The following ZNF385D variants were observed in gnomAD, a reference collection of about 807,000 sequenced individuals.
ZNF385D encodes zinc finger protein 659.
ZNF385D carries 15 observed loss-of-function variants against 35.8 expected under a neutral mutation model. The observed-to-expected ratio is 0.42, with a 90% confidence interval of 0.28 to 0.64. The LOEUF is 0.64. Ranked by LOEUF, ZNF385D falls within the 30% of genes least tolerant of loss-of-function variation. The pLI is 0.23. For synonymous variants in ZNF385D, 212 were observed against 186.8 expected (o/e 1.13, Z -1.10); for missense variants, 474 against 494.6 (o/e 0.96, Z 0.39).
rs543908962 is a variant in ZNF385D, at chr3:21,500,981, C to T, written c.439+9880G>A. Among the ~76,000 whole-genome samples the T allele has an allele frequency of 1.6e-3, 241 of 152,260 alleles. 1 individual carries two copies. In the Middle Eastern group the frequency reaches 0.027, roughly 17 times the overall value. On this transcript the variant is annotated intron_variant, in intron 4 of 7. Transcript: ENST00000281523. ...CCCCACGTGTGCCTGGCAACACAGC[C>T]GCCCCCACATATCCCCACGTGTGTA...
intron 2 of ZNF385D, among the ~76,000 whole-genome samples, chr3:21,642,296 G>A (rs567072759): frequency 9.9e-5 from 15 of 152,000 alleles, no homozygotes; most frequent in African/African-American, 3.6e-4. Flanking sequence ...AGCAGAGAAA[G>A]CCCTTCTCTT....
chr3:22,365,805 A>G (rs556602864), intron 2 of ZNF385D, among the ~76,000 whole-genome samples: 2 of 152,248 alleles, frequency 1.3e-5, no homozygotes, highest in East Asian at 3.9e-4. Context: ...TGAACCCCAT[A>G]GCATCCTCTG....
At chr3:21,693,578 T>C (rs939801078) in intron 1 of ZNF385D, among the ~76,000 whole-genome samples, 34 of 152,168 alleles carry the variant, frequency 2.2e-4, no homozygotes, top group African/African-American at 8.2e-4. Flanking sequence ...TGGGTTTCCA[T>C]TTTTCTCATC....
chr3:21,766,710 G>A (rs546463368), intron 3 of ZNF385D, among the ~76,000 whole-genome samples: 1 of 152,178 alleles, frequency 6.6e-6, no homozygotes, highest in African/African-American at 2.4e-5. Flanking sequence ...TAGAATAGCT[G>A]AAAGTGAAAA....
chr3:21,583,017 C>T lies in ZNF385D; in HGVS notation c.166-18333G>A, dbSNP rs527812272. Among the ~76,000 whole-genome samples, 14 of 152,242 alleles carry T rather than the reference C, an allele frequency of 9.2e-5. 1 individual carries two copies. Among genetic ancestry groups the T allele is most frequent in the Admixed American group, 7.8e-4 (12 of 15,300 alleles). On this transcript the variant is annotated intron_variant, in intron 2 of 7. Transcript: ENST00000281523. ...TCCTTACCTCGTGATCTGCCCTCCTCGGCCTCCCAAAGTGCTGGGATTACA... is the reference window on the plus strand; with the variant it reads ...TCCTTACCTCGTGATCTGCCCTCCTTGGCCTCCCAAAGTGCTGGGATTACA...
chr3:22,235,441 CAAAATGAAAGATCAATAG>C (rs1042080600), intron 2 of ZNF385D, among the ~76,000 whole-genome samples: 3 of 151,964 alleles, frequency 2.0e-5, no homozygotes, highest in African/African-American at 7.3e-5. Flanking sequence ...TCAGAGGGCA[CAAAATGAAAGATCAATAG>C]AACTAAAATA....
intron 3 of ZNF385D, among the ~76,000 whole-genome samples, chr3:21,818,021 C>T (rs1266092968): frequency 6.6e-6 from 1 of 152,140 alleles, no homozygotes; most frequent in Non-Finnish European, 1.5e-5. Flanking sequence ...AGTTCATGTC[C>T]TTTGTAGGGA....
At chr3:21,696,037 G>A (rs758489230) in intron 1 of ZNF385D, among the ~76,000 whole-genome samples, 1 of 152,078 alleles carries the variant, frequency 6.6e-6, no homozygotes, top group Non-Finnish European at 1.5e-5. Context: ...GAGAAGTGAG[G>A]TCCAGATCGG....
chr3:21,702,171 T>G (rs1291469847), intron 1 of ZNF385D, among the ~76,000 whole-genome samples: 2 of 152,230 alleles, frequency 1.3e-5, no homozygotes, highest in Non-Finnish European at 2.9e-5. Flanking sequence ...TGCAGCAAAC[T>G]TTTGCCTGGG....
In ZNF385D at chr3:21,666,089, G is replaced by A. The variant is rs183233574; in HGVS notation, c.23-1061C>T. ...GCGCCACTTACTTGCCTGCCATCTC[G>A]TTTTTAAAAACAAAGTAGAGTGAGT... On this transcript the variant is annotated intron_variant, in intron 1 of 7. Transcript: ENST00000281523. Among the ~76,000 whole-genome samples, 331 of 152,270 alleles carry A rather than the reference G, an allele frequency of 2.2e-3. 2 individuals carry two copies. Among genetic ancestry groups the A allele is most frequent in the African/African-American group, 7.6e-3 (316 of 41,558 alleles).
chr3:21,792,204 A>G (rs537100499), intron 3 of ZNF385D, among the ~76,000 whole-genome samples: 1 of 152,246 alleles, frequency 6.6e-6, no homozygotes, highest in South Asian at 2.1e-4. Flanking sequence ...GGGCAGATAC[A>G]TTCTGATGCC....
At chr3:21,656,959 TACTAAGAA>T (rs1247607648) in intron 2 of ZNF385D, among the ~76,000 whole-genome samples, 1 of 151,888 alleles carries the variant, frequency 6.6e-6, no homozygotes, top group Admixed American at 6.6e-5. Flanking sequence ...AAATCCCAGT[TACTAAGAA>T]ACTCACAGTA....
At chr3:21,992,550 A>T (rs1322001691) in intron 3 of ZNF385D, among the ~76,000 whole-genome samples, 4 of 152,180 alleles carry the variant, frequency 2.6e-5, no homozygotes, top group African/African-American at 9.6e-5. Flanking sequence ...TTTCCATAGG[A>T]AGAGGATGAA....
intron 2 of ZNF385D, among the ~76,000 whole-genome samples, chr3:21,585,408 C>T (rs905649589): frequency 9.9e-5 from 15 of 152,132 alleles, no homozygotes; most frequent in Non-Finnish European, 2.2e-4. Flanking sequence ...TAGCTTTTCT[C>T]TGTTGCTAAA....
chr3:22,023,047 C>A (rs1697317248), intron 3 of ZNF385D, among the ~76,000 whole-genome samples: 1 of 152,228 alleles, frequency 6.6e-6, no homozygotes, highest in Non-Finnish European at 1.5e-5. Context: ...AATGTGTATT[C>A]CAGGCTGCTC....
At chr3:22,044,093 CTT>C (rs5847157) in intron 3 of ZNF385D, among the ~76,000 whole-genome samples, 42,540 of 146,698 alleles carry the variant, frequency 0.29, 6,124 homozygotes, top group South Asian at 0.47. Flanking sequence ...CTGGGAAAAA[CTT>C]TTTTTTTTTT....
chr3:21,814,851 G>A lies in ZNF385D; in HGVS notation c.326-149823C>T, dbSNP rs1225176396. The stretch of plus-strand genomic sequence containing the variant: ...AACAGACCTAATAGACATCTACAGA[G>A]CTCTCCACCCCAAATCAACAGAATA... On this transcript the variant is annotated intron_variant, in intron 3 of 5. Coordinates refer to the ZNF385D transcript ENST00000494108. Among the ~76,000 whole-genome samples, 16 of 152,048 alleles carry A rather than the reference G, an allele frequency of 1.1e-4. No homozygotes were observed. In the East Asian group the frequency reaches 2.7e-3, roughly 26 times the overall value.
intron 3 of ZNF385D, among the ~76,000 whole-genome samples, chr3:22,057,510 A>G (rs958402992): frequency 4.0e-4 from 56 of 138,828 alleles, no homozygotes; most frequent in African/African-American, 1.4e-3. Flanking sequence ...TTTCTTTTAA[A>G]GTATTTTTTT....
intron 3 of ZNF385D, among the ~76,000 whole-genome samples, chr3:22,023,800 A>C (rs539406617): frequency 6.6e-6 from 1 of 152,152 alleles, no homozygotes; most frequent in African/African-American, 2.4e-5. Flanking sequence ...CAAAGGCCAA[A>C]AGCAAGAACT....
Sources: allele counts gnomAD v4.1 joint callset (sites outside exome capture counted in the v4.1 genomes callset), GRCh38; gene constraint gnomAD v4.1.1; transcripts MANE v1.5; gene names NCBI Gene and HGNC (gene_info 2026-07-23, HGNC 2026-07-21).